The following TRHDE variants were observed in gnomAD, a reference collection of about 807,000 sequenced individuals.
TRHDE encodes thyrotropin releasing hormone degrading enzyme.
Under a neutral mutation model 125.7 loss-of-function variants are expected in TRHDE, and 72 were observed. The observed-to-expected ratio is 0.57, with a 90% CI of 0.47 to 0.70. The LOEUF (loss-of-function observed/expected upper bound fraction) is 0.70. TRHDE is among the 30% of genes least tolerant of loss of function. The pLI is 0.00. For missense variants in TRHDE, 1,110 were observed against 1,327.1 expected (o/e 0.84, Z 2.54); for synonymous variants, 509 against 509.1 (o/e 1.00, Z 0.00).
chr12:72,646,787 C>T (rs1259448967), intron 15 of TRHDE, among the ~76,000 whole-genome samples: 3 of 151,892 alleles, frequency 2.0e-5, no homozygotes, highest in African/African-American at 7.2e-5. Flanking sequence ...AAAGATATAA[C>T]AAATTATAAA....
chr12:72,466,926 G>A (rs552110926), intron 3 of TRHDE, among the ~76,000 whole-genome samples: 6 of 151,972 alleles, frequency 3.9e-5, no homozygotes, highest in Admixed American at 2.6e-4. Context: ...TCCTGCACAC[G>A]CTCACATATG....
chr12:72,202,087 T>TTAAC (rs1358855100), intron 2 of TRHDE, among the ~76,000 whole-genome samples: 1 of 152,224 alleles, frequency 6.6e-6, no homozygotes, highest in Non-Finnish European at 1.5e-5. Context: ...GGAAGCCAGT[T>TTAAC]AATCATGATG....
At position 72,136,408 on chromosome 12, in the gene TRHDE, G is replaced by C. The variant is rs1326215770; in HGVS notation, n.279+30656G>C. Among the ~76,000 whole-genome samples the C allele has an allele frequency of 3.3e-5, 5 of 152,236 alleles. No homozygotes were observed. The East Asian group carries it at 9.6e-4, about 29-fold the overall frequency. On this transcript the variant is annotated intron_variant and non_coding_transcript_variant, in intron 2 of 4. Transcript: ENST00000548156. ...ACAATTAAATAGGCTACATTGAAAT[G>C]ATATGAAGCAGAGGCATGCATATCC... is the stretch of plus-strand genomic sequence containing the variant.
intron 2 of TRHDE, among the ~76,000 whole-genome samples, chr12:72,230,652 C>G (rs906344313): frequency 6.6e-6 from 1 of 152,044 alleles, no homozygotes; most frequent in Non-Finnish European, 1.5e-5. Context: ...GAGCTCCCCA[C>G]TCACAACCCT....
Position 72,232,679 on chromosome 12 carries a change from G to A in TRHDE, n.279+126927G>A, listed in dbSNP as rs1878269443. On this transcript the variant is annotated intron_variant and non_coding_transcript_variant, in intron 2 of 4. Transcript: ENST00000548156. ...CTTTGCTAAACTCTAGTATTCCAGG[G>A]AGGCTCTGACCTTTGCATTTGCCAT... 2.6e-5 allele frequency among the ~76,000 whole-genome samples: 4 copies of A among 152,154 alleles called. No homozygotes were observed. In the South Asian group the frequency reaches 8.3e-4, roughly 32 times the overall value.
chr12:72,253,346 A>G (rs930593746), intron 2 of TRHDE, among the ~76,000 whole-genome samples: 1 of 152,020 alleles, frequency 6.6e-6, no homozygotes, highest in Admixed American at 6.6e-5. Context: ...AACTGTATAC[A>G]TTTTATTTCT....
intron 2 of TRHDE, among the ~76,000 whole-genome samples, chr12:72,301,340 A>G (rs1435895627): frequency 1.3e-5 from 2 of 152,154 alleles, no homozygotes; most frequent in African/African-American, 2.4e-5. Context: ...GAGAAATTCC[A>G]TCAGAAGGGC....
intron 2 of TRHDE, among the ~76,000 whole-genome samples, chr12:72,170,682 C>G (rs959203425): frequency 6.6e-6 from 1 of 152,016 alleles, no homozygotes; most frequent in East Asian, 1.9e-4. Context: ...AGAGTTTGCT[C>G]TTGTAACAAG....
intron 12 of TRHDE, among the ~76,000 whole-genome samples, chr12:72,604,597 G>A (rs567670016): frequency 9.9e-5 from 15 of 151,948 alleles, no homozygotes; most frequent in Admixed American, 9.2e-4. Flanking sequence ...TGAACTATAT[G>A]TGATCATTTT....
At chr12:72,430,144 A>T (rs1042260896) in intron 3 of TRHDE, among the ~76,000 whole-genome samples, 1 of 150,764 alleles carries the variant, frequency 6.6e-6, no homozygotes, top group Admixed American at 6.6e-5. Flanking sequence ...GTTTATGTCT[A>T]TAATCCATTT....
chr12:72,245,040 C>T (rs1878549734), intron 2 of TRHDE, among the ~76,000 whole-genome samples: 1 of 152,104 alleles, frequency 6.6e-6, no homozygotes, highest in African/African-American at 2.4e-5. Context: ...AACTGATGCT[C>T]TAGAGTAAAA....
intron 7 of TRHDE, among the ~76,000 whole-genome samples, chr12:72,553,053 T>G (rs1308805216): frequency 6.6e-6 from 1 of 152,130 alleles, no homozygotes; most frequent in African/African-American, 2.4e-5. Context: ...TTTTCAGTGT[T>G]TTTTGAGAGA....
At chr12:72,504,087 A>G (rs1219305642) in intron 6 of TRHDE, among the ~76,000 whole-genome samples, 1 of 152,176 alleles carries the variant, frequency 6.6e-6, no homozygotes, top group African/African-American at 2.4e-5. Flanking sequence ...TGACAGAAAT[A>G]TATACAAGAT....
At chr12:72,335,568 T>A (rs116253126) in intron 2 of TRHDE, among the ~76,000 whole-genome samples, 3,719 of 152,284 alleles carry the variant, frequency 0.024, 141 homozygotes, top group African/African-American at 0.085. Context: ...CAATCATTCA[T>A]TAAGTAAGTG....
intron 2 of TRHDE, among the ~76,000 whole-genome samples, chr12:72,299,879 A>G (rs1278072399): frequency 6.6e-6 from 1 of 152,128 alleles, no homozygotes; most frequent in Non-Finnish European, 1.5e-5. Context: ...AGATGTTAAA[A>G]AAGAACAGAG....
rs1592555611 is a variant in TRHDE at position 72,586,956 on chromosome 12, A to G, written c.2321+11414A>G. Among the ~76,000 whole-genome samples the G allele has an allele frequency of 3.3e-5, 5 of 152,154 alleles. 1 individual carries two copies. The South Asian group carries it at 1.0e-3, about 31-fold the overall frequency. ...TTAAACACACTCTAAATTAGAGGGCAGTTATTGGGAATGCTGTCAAAAATG... is the reference window on the plus strand; with the variant it reads ...TTAAACACACTCTAAATTAGAGGGCGGTTATTGGGAATGCTGTCAAAAATG... On this transcript the variant is annotated intron_variant, in intron 12 of 18. Coordinates refer to ENST00000261180, the MANE Select transcript of TRHDE (RefSeq NM_013381.3).
intron 2 of TRHDE, among the ~76,000 whole-genome samples, chr12:72,323,368 C>T (rs756055337): frequency 2.6e-5 from 4 of 152,094 alleles, no homozygotes; most frequent in Non-Finnish European, 5.9e-5. Context: ...TTGTGTTGTT[C>T]CTTAGAATGT....
At chr12:72,484,018 G>A (rs1242390482) in intron 5 of TRHDE, among the ~76,000 whole-genome samples, 1 of 151,946 alleles carries the variant, frequency 6.6e-6, no homozygotes, top group African/African-American at 2.4e-5. Context: ...TCTGGGAGTC[G>A]ATTAGCTCAT....
At chr12:72,473,285 G>T in intron 5 of TRHDE, 105 bp downstream of exon 5, 3 of 765,564 alleles carry the variant, frequency 3.9e-6, no homozygotes, top group East Asian at 5.4e-5. Context: ...ACTGATGCAT[G>T]AAAATGTATC....
Sources: gnomAD v4.1 joint callset for allele counts (sites outside exome capture counted in the v4.1 genomes callset) on GRCh38, gnomAD v4.1.1 for gene constraint, MANE v1.5 for transcripts, NCBI Gene and HGNC (gene_info 2026-07-23, HGNC 2026-07-21) for gene names.